The following ERBB4 variants were observed in gnomAD, a reference collection of about 807,000 sequenced individuals.
ERBB4 encodes erb-b2 receptor tyrosine kinase 4.
ERBB4 carries 42 observed loss-of-function variants against 158.0 expected under a neutral mutation model. The observed-to-expected ratio is 0.27, with a 90% CI of 0.21 to 0.34. The LOEUF is 0.34. Among genes scored for constraint, ERBB4 ranks in the 10% least tolerant of loss-of-function variants. The probability of loss-of-function intolerance (pLI) is 1.00; values close to 1 mark genes in which losing one functional copy is unlikely to be tolerated. For missense variants in ERBB4, 1,333 were observed against 1,624.1 expected, an observed-to-expected ratio of 0.82 and a Z score of 3.08; for synonymous variants, 583 against 558.7, an observed-to-expected ratio of 1.04 and a Z score of -0.61.
chr2:211,730,712 G>A (rs558974730), intron 5 of ERBB4, among the ~76,000 whole-genome samples: 1 of 152,138 alleles, frequency 6.6e-6, no homozygotes, highest in South Asian at 2.1e-4. Flanking sequence ...ACCCCATATT[G>A]AGTAGCAGAA....
At chr2:212,096,355 T>C (rs2078933053) in intron 2 of ERBB4, among the ~76,000 whole-genome samples, 1 of 151,974 alleles carries the variant, frequency 6.6e-6, no homozygotes, top group Non-Finnish European at 1.5e-5. Context: ...AAATAGAAAA[T>C]AAAGGAGTAT....
chr2:212,121,757 A>G (rs2125563394), intron 2 of ERBB4, among the ~76,000 whole-genome samples: 1 of 152,212 alleles, frequency 6.6e-6, no homozygotes, highest in Non-Finnish European at 1.5e-5. Flanking sequence ...GTATATTCCT[A>G]GTGTCTAAAA....
intron 2 of ERBB4, among the ~76,000 whole-genome samples, chr2:212,013,018 T>C (rs542859564): frequency 1.3e-5 from 2 of 151,172 alleles, no homozygotes; most frequent in South Asian, 4.2e-4. Context: ...GTGCTGATAC[T>C]ACAGGCATGA....
At chr2:211,808,717 G>A (rs1380193960) in intron 3 of ERBB4, among the ~76,000 whole-genome samples, 1 of 152,136 alleles carries the variant, frequency 6.6e-6, no homozygotes, top group African/African-American at 2.4e-5. Flanking sequence ...ATCACTTCGG[G>A]CAGTATGGCC....
At chr2:211,775,820 C>CATAGAAAATG (rs1383928736) in intron 4 of ERBB4, among the ~76,000 whole-genome samples, 1 of 152,174 alleles carries the variant, frequency 6.6e-6, no homozygotes, top group Non-Finnish European at 1.5e-5. Context: ...ATTTCCTGGA[C>CATAGAAAATG]ATAGAAAATG....
intron 1 of ERBB4, among the ~76,000 whole-genome samples, chr2:212,314,043 C>T (rs186180412): frequency 6.6e-6 from 1 of 151,060 alleles, no homozygotes; most frequent in African/African-American, 2.4e-5. Context: ...GTTATAAGAC[C>T]AGAGGTCTTC....
chr2:212,506,738 G>A (rs1691216592), intron 1 of ERBB4, among the ~76,000 whole-genome samples: 1 of 152,122 alleles, frequency 6.6e-6, no homozygotes, highest in African/African-American at 2.4e-5. Context: ...TGGTTCATGA[G>A]GTTTAAGGAT....
intron 3 of ERBB4, among the ~76,000 whole-genome samples, chr2:211,877,718 C>T (rs914120490): frequency 6.6e-6 from 1 of 152,202 alleles, no homozygotes; most frequent in Middle Eastern, 3.4e-3. Context: ...AATATACTCA[C>T]CAAAATGTAA....
intron 1 of ERBB4, among the ~76,000 whole-genome samples, chr2:212,201,916 A>G (rs903873890): frequency 7.2e-5 from 11 of 152,116 alleles, no homozygotes; most frequent in African/African-American, 2.7e-4. Flanking sequence ...GAATTATTTT[A>G]TTTACATATA....
intron 3 of ERBB4, among the ~76,000 whole-genome samples, chr2:211,887,738 G>A (rs989319110): frequency 6.6e-6 from 1 of 152,042 alleles, no homozygotes; most frequent in Non-Finnish European, 1.5e-5. Context: ...TATTGATCCT[G>A]CAAAGCTATC....
At chr2:211,560,271 T>TTA in intron 20 of ERBB4, among the ~76,000 whole-genome samples, 1 of 125,000 alleles carries the variant, frequency 8.0e-6, no homozygotes, top group Non-Finnish European at 1.6e-5. Context: ...GCTTTTTTTT[T>TTA]TTTTTTTTTT....
intron 11 of ERBB4, 83 bp downstream of exon 11, chr2:211,704,021 A>C (rs2073347374): frequency 1.2e-6 from 1 of 833,496 alleles, no homozygotes; most frequent in Non-Finnish European, 2.1e-6. Flanking sequence ...GTAAATCAAT[A>C]AGAGTGATAG....
At chr2:211,587,920 G>A (rs1014665555) in intron 19 of ERBB4, among the ~76,000 whole-genome samples, 2 of 152,040 alleles carry the variant, frequency 1.3e-5, no homozygotes, top group Admixed American at 6.6e-5. Flanking sequence ...TCTTAATTGC[G>A]GCATTGTTTG....
chr2:212,502,053 G>A (rs927942252), intron 1 of ERBB4, among the ~76,000 whole-genome samples: 14 of 151,896 alleles, frequency 9.2e-5, no homozygotes, highest in Admixed American at 9.2e-4. Context: ...ACTTATTTCT[G>A]TTAATTAATG....
chr2:211,843,415 G>GCACACACA lies in ERBB4; in HGVS notation c.422-55264_422-55257dup, dbSNP rs10673889. On this transcript the variant is annotated intron_variant, in intron 3 of 27. Transcript: ENST00000342788. Reference sequence around the variant, plus strand: ...GGCTGGTGCACATGTGCGTGCGTGTGCACACACACACACACACACACAGCA... The same window carrying GCACACACA: ...GGCTGGTGCACATGTGCGTGCGTGTGCACACACACACACACACACACACACACACAGCA... Among the ~76,000 whole-genome samples the GCACACACA allele has an allele frequency of 8.4e-3, 1,258 of 149,896 alleles. 12 individuals are homozygous for GCACACACA. The highest frequency in any genetic ancestry group is 0.029 in the African/African-American group (1,172 of 40,872).
chr2:211,887,866 C>T (rs1254624456), intron 3 of ERBB4, among the ~76,000 whole-genome samples: 1 of 152,184 alleles, frequency 6.6e-6, no homozygotes, highest in Non-Finnish European at 1.5e-5. Flanking sequence ...CTTCAACCAC[C>T]TGGCACATTA....
At chr2:212,447,633 A>T (rs2092381657) in intron 1 of ERBB4, among the ~76,000 whole-genome samples, 1 of 152,222 alleles carries the variant, frequency 6.6e-6, no homozygotes, top group African/African-American at 2.4e-5. Flanking sequence ...AATAAGCACT[A>T]TGATAGAGGT....
intron 4 of ERBB4, chr2:211,777,189 T>C (rs932789249): frequency 6.6e-6 from 1 of 152,188 alleles, no homozygotes; most frequent in African/African-American, 2.4e-5. Context: ...TTAATTGTTA[T>C]GTCCTTCAAG....
intron 17 of ERBB4, 34 bp from the exon 18 acceptor site, chr2:211,624,078 G>C (rs762964358): frequency 6.2e-7 from 1 of 1,613,504 alleles, no homozygotes; most frequent in Non-Finnish European, 8.5e-7. Flanking sequence ...TATACTTTCA[G>C]TCCGATAGTC....
Sources: gnomAD v4.1 joint callset for allele counts (sites outside exome capture counted in the v4.1 genomes callset) on GRCh38, gnomAD v4.1.1 for gene constraint, MANE v1.5 for transcripts, NCBI Gene and HGNC (gene_info 2026-07-23, HGNC 2026-07-21) for gene names.